The following SLC4A4 variants were observed in gnomAD, a reference collection of about 807,000 sequenced individuals.
SLC4A4 encodes the protein solute carrier family 4 member 4, also known as electrogenic sodium bicarbonate cotransporter 1.
SLC4A4 carries 27 observed loss-of-function variants against 111.5 expected under a neutral mutation model. The ratio of observed to expected loss-of-function variants is 0.24; its 90% CI spans 0.18 to 0.33. The LOEUF is 0.33. SLC4A4 is among the 10% of genes least tolerant of loss of function. The pLI, the probability that SLC4A4 is intolerant of heterozygous loss-of-function variation, is 1.00. For synonymous variants in SLC4A4, 443 were observed against 463.4 expected (o/e 0.96, Z 0.57); for missense variants, 909 against 1,315.5 (o/e 0.69, Z 4.78).
intron 16 of SLC4A4, among the ~76,000 whole-genome samples, chr4:71,526,419 G>T (rs1733426047): frequency 6.6e-6 from 1 of 151,862 alleles, no homozygotes; most frequent in African/African-American, 2.4e-5. Context: ...CTATTAATAG[G>T]GTGGCTTTTT....
chr4:71,318,817 TAA>T (rs937029453), intron 3 of SLC4A4, among the ~76,000 whole-genome samples: 2 of 151,128 alleles, frequency 1.3e-5, no homozygotes, highest in Non-Finnish European at 3.0e-5. Context: ...TCTGAAAAAT[TAA>T]GTTTTTTTTT....
intron 13 of SLC4A4, among the ~76,000 whole-genome samples, chr4:71,470,681 A>C (rs1331042256): frequency 6.6e-6 from 1 of 151,994 alleles, no homozygotes; most frequent in Non-Finnish European, 1.5e-5. Context: ...GTGTGTGCAG[A>C]TTTATTATAA....
chr4:71,472,914 A>G lies in SLC4A4; in HGVS notation c.1847A>G (p.Asn616Ser), dbSNP rs761515935. ...GCAGATTACTACCCCATCAACTCCA[A>G]CTTCAAAGTGGGCTACAACACTCTC... ...KLADYYPINSNFKVGYNTLFS... is the reference protein window; with the variant it reads ...KLADYYPINSSFKVGYNTLFS... The change falls in exon 14 of 26, where the codon AAC becomes AGC. Residue 616 changes from asparagine (N) to serine (S), a missense_variant. By Grantham distance (46) the Asn-to-Ser change is conservative. Around this residue, in one of 7 missense-constraint regions of SLC4A4, gnomAD observed 264 missense variants for 356.8 expected, o/e 0.74. Coordinates refer to ENST00000264485, the MANE Select transcript of SLC4A4 (RefSeq NM_001098484.3). 3 of 1,612,964 alleles carry G rather than the reference A, an allele frequency of 1.9e-6. No individual in the cohort carries two copies. The highest frequency in any genetic ancestry group is 1.7e-6 in the Non-Finnish European group (2 of 1,179,360).
intron 2 of SLC4A4, among the ~76,000 whole-genome samples, chr4:71,098,021 G>A (rs1578476387): frequency 1.3e-5 from 2 of 152,046 alleles, no homozygotes; most frequent in Admixed American, 6.5e-5. Context: ...GCAGAAGCTC[G>A]TGTTTAATTG....
chr4:71,488,244 A>T (rs1729598813), intron 15 of SLC4A4, among the ~76,000 whole-genome samples: 1 of 151,442 alleles, frequency 6.6e-6, no homozygotes, highest in Admixed American at 6.6e-5. Flanking sequence ...CTGACTTAAG[A>T]AAAGAAATTG....
intron 3 of SLC4A4, among the ~76,000 whole-genome samples, chr4:71,276,433 A>G (rs1206830402): frequency 6.6e-6 from 1 of 152,162 alleles, no homozygotes; most frequent in Non-Finnish European, 1.5e-5. Context: ...TCGTTGGGCT[A>G]TCTCTTTATA....
chr4:71,197,843 C>T (rs932816461), intron 1 of SLC4A4, among the ~76,000 whole-genome samples: 1 of 152,102 alleles, frequency 6.6e-6, no homozygotes, highest in African/African-American at 2.4e-5. Context: ...ATTAGAGACA[C>T]CTACTAACTC....
In SLC4A4 at chr4:71,404,988, A is replaced by G. The variant is rs570499703; in HGVS notation, c.807+7335A>G. ...TTTTTTTTTTGTGTATATATATATA[A>G]TTTTTTTTTGAGACATGCAGTTTTG... On this transcript the variant is annotated intron_variant, in intron 7 of 25. Coordinates refer to ENST00000264485, the MANE Select transcript of SLC4A4 (RefSeq NM_001098484.3). Among the ~76,000 whole-genome samples the G allele has an allele frequency of 2.3e-3, 350 of 150,092 alleles. 1 individual carries two copies. Among genetic ancestry groups the G allele is most frequent in the African/African-American group, 3.4e-3 (140 of 41,010 alleles).
chr4:71,391,845 G>A (rs1432600207), intron 6 of SLC4A4, among the ~76,000 whole-genome samples: 1 of 152,072 alleles, frequency 6.6e-6, no homozygotes, highest in South Asian at 2.1e-4. Flanking sequence ...AGCTTTGAGT[G>A]GATGAAACAC....
chr4:71,125,662 T>C (rs1215640798), intron 2 of SLC4A4, among the ~76,000 whole-genome samples: 3 of 152,226 alleles, frequency 2.0e-5, no homozygotes, highest in African/African-American at 4.8e-5. Flanking sequence ...TATTTAATAA[T>C]AAATTTCAGT....
At chr4:71,127,768 T>C (rs1294634084) in intron 2 of SLC4A4, among the ~76,000 whole-genome samples, 1 of 152,254 alleles carries the variant, frequency 6.6e-6, no homozygotes, top group Non-Finnish European at 1.5e-5. Context: ...TGTACATACA[T>C]ACATAACACC....
intron 2 of SLC4A4, among the ~76,000 whole-genome samples, chr4:71,126,014 T>C (rs55732182): frequency 0.015 from 2,235 of 152,336 alleles, 66 homozygotes; most frequent in African/African-American, 0.05. Flanking sequence ...TCTTTGCCTT[T>C]TCATGTGATG....
At chr4:71,355,743 T>C (rs1730228342) in intron 5 of SLC4A4, among the ~76,000 whole-genome samples, 1 of 152,228 alleles carries the variant, frequency 6.6e-6, no homozygotes, top group Non-Finnish European at 1.5e-5. Context: ...AATTCAGTCA[T>C]GCCCAAGCAA....
chr4:71,461,655 T>TG (rs1400668875), intron 12 of SLC4A4, among the ~76,000 whole-genome samples: 31 of 152,266 alleles, frequency 2.0e-4, no homozygotes, highest in South Asian at 1.5e-3. Context: ...GCTTTTAATT[T>TG]TTTTTAGAAT....
chr4:71,347,406 T>C (rs1306209642), intron 4 of SLC4A4, among the ~76,000 whole-genome samples: 1 of 152,168 alleles, frequency 6.6e-6, no homozygotes, highest in African/African-American at 2.4e-5. Context: ...TTCTGGAGGC[T>C]GGGAGGTCCA....
At chr4:71,561,031 G>A (rs1286111663) in intron 23 of SLC4A4, among the ~76,000 whole-genome samples, 1 of 151,728 alleles carries the variant, frequency 6.6e-6, no homozygotes, top group Non-Finnish European at 1.5e-5. Flanking sequence ...CCTTATTCCA[G>A]TAGCCTTTTG....
intron 25 of SLC4A4, 45 bp downstream of exon 25, chr4:71,567,128 C>A: frequency 3.5e-6 from 5 of 1,432,994 alleles, no homozygotes; most frequent in Non-Finnish European, 4.9e-6. Flanking sequence ...GGGATAATTG[C>A]CCCACAGAAA....
intron 2 of SLC4A4, among the ~76,000 whole-genome samples, chr4:71,175,896 C>A (rs1745080438): frequency 6.6e-6 from 1 of 152,148 alleles, no homozygotes; most frequent in South Asian, 2.1e-4. Flanking sequence ...TGGGTCCCTG[C>A]CCCCGAGTAA....
chr4:71,138,435 T>G (rs1743903145), intron 2 of SLC4A4, among the ~76,000 whole-genome samples: 1 of 152,212 alleles, frequency 6.6e-6, no homozygotes, highest in South Asian at 2.1e-4. Context: ...AGAACTTGCC[T>G]AGCAGGAAAA....
Sources: allele counts gnomAD v4.1 joint callset (sites outside exome capture counted in the v4.1 genomes callset), GRCh38; gene constraint gnomAD v4.1.1; regional missense constraint gnomAD v4.1.1; transcripts MANE v1.5; gene names NCBI Gene and HGNC (gene_info 2026-07-23, HGNC 2026-07-21).